SYNE2: variants seen among roughly 807,000 people sequenced by gnomAD.
SYNE2 encodes spectrin repeat containing nuclear envelope protein 2.
A neutral mutation model predicts 856.3 loss-of-function variants in SYNE2; 431 were observed. The observed-to-expected ratio is 0.50, with a 90% CI of 0.47 to 0.55. SYNE2 has a LOEUF of 0.55. Ranked by LOEUF, SYNE2 falls within the 20% of genes least tolerant of loss-of-function variation. The pLI is 0.00. For missense variants in SYNE2, 8,129 were observed against 8,023.2 expected (o/e 1.01, Z -0.50); for synonymous variants, 2,923 against 2,872.3 (o/e 1.02, Z -0.56).
chr14:63,900,608 G>T (rs1595525680), intron 1 of SYNE2, among the ~76,000 whole-genome samples: 3 of 152,134 alleles, frequency 2.0e-5, no homozygotes, highest in African/African-American at 7.2e-5. Flanking sequence ...ATGAGATTTG[G>T]GTGGGGACAC....
intron 1 of SYNE2, among the ~76,000 whole-genome samples, chr14:63,861,065 A>T (rs1893481572): frequency 6.6e-6 from 1 of 152,016 alleles, no homozygotes; most frequent in African/African-American, 2.4e-5. Flanking sequence ...ATGGGCATAG[A>T]GGATTAGACA....
chr14:63,867,158 G>C (rs1306698985), intron 1 of SYNE2, among the ~76,000 whole-genome samples: 4 of 151,968 alleles, frequency 2.6e-5, no homozygotes, highest in Non-Finnish European at 5.9e-5. Flanking sequence ...CAAGTCTGTT[G>C]GGCTCCAAAG....
chr14:64,140,188 T>C, intron 80 of SYNE2, 115 bp downstream of exon 80: 1 of 993,456 alleles, frequency 1.0e-6, no homozygotes. Flanking sequence ...GGGGTAAGAC[T>C]TGGGCGAATG....
intron 38 of SYNE2, chr14:64,023,850 TGC>T: frequency 4.5e-6 from 1 of 224,624 alleles, no homozygotes; most frequent in Non-Finnish European, 8.9e-6. Context: ...TTTTTTTGTT[TGC>T]TTGTTTGCCT....
chr14:63,946,150 A>G (rs1190258289), intron 6 of SYNE2, among the ~76,000 whole-genome samples: 1 of 152,172 alleles, frequency 6.6e-6, no homozygotes. Flanking sequence ...GGCTGGGTGC[A>G]GCGGCTCATG....
At chr14:63,877,308 A>T (rs961051823) in intron 1 of SYNE2, among the ~76,000 whole-genome samples, 4 of 152,176 alleles carry the variant, frequency 2.6e-5, no homozygotes, top group African/African-American at 9.7e-5. Flanking sequence ...TGGTCAAAAT[A>T]GGAACTATGA....
rs750724617 is a variant in SYNE2 at position 64,126,598 on chromosome 14, A to T, written c.13708A>T (p.Thr4570Ser). Residue 4570 changes from threonine to serine, a missense_variant and splice_region_variant, in exon 73 of 116, where the codon ACG becomes TCG. By Grantham distance (58) the Thr-to-Ser change is moderately conservative. Around this residue, in one of 3 missense-constraint regions of SYNE2, gnomAD observed 5,410 missense variants for 5,284.8 expected, o/e 1.02. Coordinates refer to ENST00000555002, the MANE Select transcript of SYNE2 (RefSeq NM_182914.3). ...TTGTCTTCCTTCCTCTCCACTCCAG[A>T]CGCTGGCTCTTGAGTTGAAGAAACT... ...DGSGQQVHYE[T>S]LALELKKLYL... 6.2e-7 allele frequency: 1 copy of T among 1,614,190 alleles called. No individual in the cohort carries two copies. The highest frequency in any genetic ancestry group is 8.5e-7 in the Non-Finnish European group (1 of 1,180,042).
intron 36 of SYNE2, 55 bp downstream of exon 36, chr14:64,021,570 A>T: frequency 6.3e-7 from 1 of 1,593,294 alleles, no homozygotes; most frequent in Non-Finnish European, 8.6e-7. Flanking sequence ...CACTATTTGC[A>T]GTTGTCTTGA....
intron 53 of SYNE2, among the ~76,000 whole-genome samples, chr14:64,074,475 G>T (rs936025163): frequency 2.6e-5 from 4 of 152,146 alleles, no homozygotes; most frequent in African/African-American, 4.8e-5. Flanking sequence ...AGGACATGGC[G>T]CCTTGTCTCT....
In SYNE2 at chr14:63,990,978, T is replaced by C; in HGVS notation, c.2509T>C (p.Leu837=). 6.2e-7 allele frequency: 1 copy of C among 1,614,188 alleles called. No individual in the cohort carries two copies. Among genetic ancestry groups the C allele is most frequent in the Non-Finnish European group, 8.5e-7 (1 of 1,180,002 alleles). The part of the protein sequence containing the change: ...VVKLIAALKN[L]TDVSPDLDIR... Reference sequence around the variant, plus strand: ...AAAACTCATTGCAGCGTTGAAGAACTTAACTGACGTTTCACCAGATTTGGA... The same window carrying C: ...AAAACTCATTGCAGCGTTGAAGAACCTAACTGACGTTTCACCAGATTTGGA... Residue 837 remains leucine, a synonymous_variant, in exon 21 of 116, where the codon TTA becomes CTA. Transcript: ENST00000555002.
intron 1 of SYNE2, among the ~76,000 whole-genome samples, chr14:63,796,891 A>T (rs1887933988): frequency 1.3e-5 from 2 of 152,090 alleles, no homozygotes; most frequent in African/African-American, 4.8e-5. Context: ...CAGCATGGCC[A>T]ATATGGTGAA....
intron 25 of SYNE2, among the ~76,000 whole-genome samples, chr14:63,997,753 G>A (rs1300804495): frequency 2.6e-5 from 4 of 152,264 alleles, no homozygotes; most frequent in Non-Finnish European, 4.4e-5. Context: ...TTTATCATTT[G>A]CCTTTTCTTC....
rs1344743326 is a variant in SYNE2 at position 63,781,515 on chromosome 14, C to T, written c.-305+19529C>T. Reference sequence around the variant, plus strand: ...TTTTTTTTTCTTGGAGACGGAGTCTCGCTCTGTCGCCCAGGCTGGAGTGCA... The same window carrying T: ...TTTTTTTTTCTTGGAGACGGAGTCTTGCTCTGTCGCCCAGGCTGGAGTGCA... On this transcript the variant is annotated intron_variant, in intron 1 of 23. Transcript: ENST00000674003. 4.6e-5 allele frequency among the ~76,000 whole-genome samples: 7 copies of T among 150,980 alleles called. No homozygotes were observed. In the East Asian group the frequency reaches 7.8e-4, roughly 17 times the overall value.
At chr14:64,003,468 C>T in intron 30 of SYNE2, 138 bp downstream of exon 30, 1 of 1,222,148 alleles carries the variant, frequency 8.2e-7, no homozygotes, top group Non-Finnish European at 1.2e-6. Flanking sequence ...GCATTCTTTT[C>T]TGTAGACTTT....
rs1192547176 is a variant in SYNE2, at chr14:63,982,635, C to T, written c.1842C>T (p.Pro614=). The change falls in exon 17 of 116, where the codon CCC becomes CCT. Residue 614 remains proline (P), a synonymous_variant. Coordinates refer to ENST00000555002, the MANE Select transcript of SYNE2 (RefSeq NM_182914.3). ...ETKKEEIKEV[P]FETLAQWNLE... is the part of the protein sequence containing the mutation. ...GTTGCTTGTGTATCATGTAGGTACC[C>T]TTTGAGACACTAGCCCAGTGGAATC... is the stretch of plus-strand genomic sequence containing the variant. 8.7e-6 allele frequency: 14 copies of T among 1,613,784 alleles called. No individual in the cohort carries two copies. The Admixed American group carries it at 2.2e-4, about 25-fold the overall frequency.
chr14:63,905,720 G>A (rs2095400977), intron 1 of SYNE2, among the ~76,000 whole-genome samples: 1 of 152,144 alleles, frequency 6.6e-6, no homozygotes, highest in Admixed American at 6.6e-5. Context: ...GGTTTTCTAG[G>A]TATAGAATCA....
Position 64,188,692 on chromosome 14 carries a change from T to C in SYNE2, c.17855T>C (p.Ile5952Thr). 5 of 1,614,114 alleles carry C rather than the reference T, an allele frequency of 3.1e-6. No homozygotes were observed. The highest frequency in any genetic ancestry group is 4.2e-6 in the Non-Finnish European group (5 of 1,180,040). Residue 5952 changes from isoleucine (I) to threonine (T), a missense_variant, in exon 98 of 116, where the codon ATT becomes ACT. Physicochemically the swap from Ile to Thr is moderately conservative, Grantham distance 89. Coordinates refer to ENST00000555002, the MANE Select transcript of SYNE2 (RefSeq NM_182914.3). ...QTADISIEEM[I>T]EKLQKDCMEE... Reference sequence around the variant, plus strand: ...GCGGACATTAGTATTGAAGAAATGATTGAAAAGTTACAGAAGGTAAGGGAG... The same window carrying C: ...GCGGACATTAGTATTGAAGAAATGACTGAAAAGTTACAGAAGGTAAGGGAG...
chr14:63,804,049 C>T (rs376716977), intron 1 of SYNE2, among the ~76,000 whole-genome samples: 130 of 152,332 alleles, frequency 8.5e-4, no homozygotes, highest in African/African-American at 3.0e-3. Flanking sequence ...GCTTCCCATT[C>T]ACCTTCTGCC....
intron 1 of SYNE2, among the ~76,000 whole-genome samples, chr14:63,766,308 G>T (rs1176263847): frequency 6.6e-6 from 1 of 152,056 alleles, no homozygotes; most frequent in Non-Finnish European, 1.5e-5. Context: ...TTGAACCCCT[G>T]ACCTCAAGTG....
Sources: allele counts gnomAD v4.1 joint callset (sites outside exome capture counted in the v4.1 genomes callset), GRCh38; gene constraint gnomAD v4.1.1; regional missense constraint gnomAD v4.1.1; transcripts MANE v1.5; gene names NCBI Gene and HGNC (gene_info 2026-07-23, HGNC 2026-07-21).